Variants in GRIA4 observed in about 807,000 individuals in gnomAD.
GRIA4 encodes the protein glutamate ionotropic receptor AMPA type subunit 4.
Under a neutral mutation model 104.0 loss-of-function variants are expected in GRIA4, and 34 were observed. The ratio of observed to expected loss-of-function variants is 0.33; its 90% CI spans 0.25 to 0.44. The LOEUF (loss-of-function observed/expected upper bound fraction) is 0.44. GRIA4 is among the 20% of genes least tolerant of loss of function. GRIA4 has a pLI of 1.00. For synonymous variants in GRIA4, 386 were observed against 381.9 expected, an observed-to-expected ratio of 1.01 and a Z score of -0.13; for missense variants, 750 against 1,096.5, an observed-to-expected ratio of 0.68 and a Z score of 4.46.
intron 4 of GRIA4, among the ~76,000 whole-genome samples, chr11:105,859,452 C>A (rs933675181): frequency 7.2e-5 from 11 of 152,074 alleles, no homozygotes; most frequent in African/African-American, 2.7e-4. Flanking sequence ...TAATGGAAGG[C>A]TGGATTTGAA....
intron 4 of GRIA4, among the ~76,000 whole-genome samples, chr11:105,795,153 T>G (rs1942427864): frequency 6.6e-6 from 1 of 152,184 alleles, no homozygotes; most frequent in Non-Finnish European, 1.5e-5. Context: ...GTCTGTGTAA[T>G]TTATTTCATA....
chr11:105,737,878 T>C (rs1480033022), intron 3 of GRIA4, among the ~76,000 whole-genome samples: 1 of 152,144 alleles, frequency 6.6e-6, no homozygotes, highest in Non-Finnish European at 1.5e-5. Context: ...ATTCACCAAA[T>C]TTCATCTTTC....
At chr11:105,615,025 A>G (rs919004038) in intron 3 of GRIA4, among the ~76,000 whole-genome samples, 2 of 151,960 alleles carry the variant, frequency 1.3e-5, no homozygotes, top group African/African-American at 2.4e-5. Flanking sequence ...TAAATTTGTC[A>G]TGTTAGATTA....
chr11:105,881,715 G>A (rs528692631), intron 5 of GRIA4, among the ~76,000 whole-genome samples: 12 of 151,374 alleles, frequency 7.9e-5, no homozygotes, highest in South Asian at 2.1e-4. Flanking sequence ...ACACACACAC[G>A]CCCCTGCATA....
intron 4 of GRIA4, among the ~76,000 whole-genome samples, chr11:105,761,525 C>A (rs1565525668): frequency 6.6e-6 from 1 of 152,124 alleles, no homozygotes; most frequent in Non-Finnish European, 1.5e-5. Flanking sequence ...CCCAAACTCA[C>A]ATAGCCGTCA....
At chr11:105,972,913 T>C (rs942360219) in intron 15 of GRIA4, among the ~76,000 whole-genome samples, 17 of 152,168 alleles carry the variant, frequency 1.1e-4, no homozygotes, top group Non-Finnish European at 2.9e-5. Context: ...TTCTAAGATA[T>C]TAAACATGTG....
intron 5 of GRIA4, among the ~76,000 whole-genome samples, chr11:105,864,676 G>T (rs1341423171): frequency 6.6e-6 from 1 of 152,104 alleles, no homozygotes; most frequent in Non-Finnish European, 1.5e-5. Context: ...TTCGAGACCA[G>T]CCTGACAAAC....
chr11:105,626,096 A>T (rs1281157521), intron 3 of GRIA4, among the ~76,000 whole-genome samples: 2 of 152,138 alleles, frequency 1.3e-5, no homozygotes, highest in African/African-American at 4.8e-5. Flanking sequence ...GGGCAGTTAC[A>T]TGTGGATTCT....
chr11:105,979,870 C>G lies in GRIA4; in HGVS notation c.*131C>G. 2 of 616,542 alleles carry G rather than the reference C, an allele frequency of 3.2e-6. No individual in the cohort carries two copies. The highest frequency in any genetic ancestry group is 2.9e-5 in the Admixed American group (1 of 35,002). The allele number at this position is 616,542 out of a possible 1,614,324, so 38.2% of individuals were successfully genotyped here. On this transcript the variant is annotated 3_prime_UTR_variant, in exon 17 of 17. Transcript: ENST00000282499. ...GCTGAGAGCGGGAAGTCCGTCCTAA[C>G]GCGCTGGCCGGACATCAGCAGCAGC...
intron 14 of GRIA4, among the ~76,000 whole-genome samples, chr11:105,960,885 G>A (rs1038422280): frequency 6.6e-6 from 1 of 152,140 alleles, no homozygotes; most frequent in African/African-American, 2.4e-5. Context: ...CCCCTTCCCG[G>A]TGTGGGCCAC....
intron 11 of GRIA4, among the ~76,000 whole-genome samples, chr11:105,921,298 C>T (rs558298059): frequency 8.9e-5 from 13 of 146,568 alleles, no homozygotes; most frequent in Admixed American, 3.5e-4. Flanking sequence ...TGGCCTCTAC[C>T]ACACTTGGGT....
chr11:105,850,994 C>T (rs1944789255), intron 4 of GRIA4, among the ~76,000 whole-genome samples: 1 of 152,094 alleles, frequency 6.6e-6, no homozygotes. Context: ...TGAGGCTTTA[C>T]CAATTAATAG....
chr11:105,641,886 T>C (rs909800932), intron 3 of GRIA4, among the ~76,000 whole-genome samples: 3 of 152,176 alleles, frequency 2.0e-5, no homozygotes, highest in African/African-American at 4.8e-5. Context: ...GCACAGACTG[T>C]GGCTTAAACA....
chr11:105,852,215 T>C (rs939879539), intron 4 of GRIA4, among the ~76,000 whole-genome samples: 8 of 152,274 alleles, frequency 5.3e-5, no homozygotes, highest in Non-Finnish European at 1.0e-4. Context: ...GTTTTTGTTT[T>C]TCGTTTGGAG....
chr11:105,788,646 G>A (rs1294640129), intron 4 of GRIA4, among the ~76,000 whole-genome samples: 2 of 152,068 alleles, frequency 1.3e-5, no homozygotes, highest in South Asian at 2.1e-4. Flanking sequence ...TTAGAAACAG[G>A]AAACCTAACA....
At chr11:105,957,764 G>C (rs890639783) in intron 14 of GRIA4, among the ~76,000 whole-genome samples, 18 of 152,140 alleles carry the variant, frequency 1.2e-4, no homozygotes, top group African/African-American at 4.1e-4. Flanking sequence ...TCTTCCATTT[G>C]TTTGTGTCCT....
At chr11:105,853,610 A>T (rs186047124) in intron 4 of GRIA4, among the ~76,000 whole-genome samples, 2 of 152,352 alleles carry the variant, frequency 1.3e-5, no homozygotes, top group Admixed American at 1.3e-4. Flanking sequence ...GATGAACAAT[A>T]AGACATTGCT....
At position 105,612,267 on chromosome 11, in the gene GRIA4, T is replaced by C. The variant is rs137983690; in HGVS notation, c.89-9T>C. On this transcript the variant is annotated splice_polypyrimidine_tract_variant and intron_variant, in intron 2 of 16. Coordinates refer to ENST00000282499, the MANE Select transcript of GRIA4 (RefSeq NM_000829.4). ...ACAGTGAATGTGCTTTTCCTGCTGT[T>C]TTTAATAGGTGGTCTCTTCATCCGA... is the stretch of plus-strand genomic sequence containing the variant. 9.9e-5 allele frequency: 160 copies of C among 1,613,818 alleles called. No individual in the cohort carries two copies. In the East Asian group the frequency reaches 3.5e-3, roughly 36 times the overall value.
At chr11:105,717,579 T>C (rs1954137556) in intron 3 of GRIA4, among the ~76,000 whole-genome samples, 1 of 152,056 alleles carries the variant, frequency 6.6e-6, no homozygotes, top group Non-Finnish European at 1.5e-5. Context: ...GGGAGAGAAG[T>C]ACAAATTCCA....
Sources: allele counts gnomAD v4.1 joint callset (sites outside exome capture counted in the v4.1 genomes callset), GRCh38; gene constraint gnomAD v4.1.1; transcripts MANE v1.5; gene names NCBI Gene and HGNC (gene_info 2026-07-23, HGNC 2026-07-21).